Variants in SEC23IP observed in about 807,000 individuals in gnomAD.
SEC23IP encodes the protein SEC23-interacting protein.
In SEC23IP, 70 loss-of-function variants were observed where a neutral mutation model predicts 113.4. The observed-to-expected ratio is 0.62, with a 90% CI of 0.51 to 0.75. The LOEUF is 0.75. SEC23IP is among the 30% of genes least tolerant of loss of function. The pLI is 0.00. For synonymous variants in SEC23IP, 398 were observed against 421.0 expected, an observed-to-expected ratio of 0.95 and a Z score of 0.67; for missense variants, 1,160 against 1,204.9, an observed-to-expected ratio of 0.96 and a Z score of 0.55.
chr10:119,911,593 G>A (rs1218325247), intron 5 of SEC23IP, among the ~76,000 whole-genome samples: 5 of 151,824 alleles, frequency 3.3e-5, no homozygotes, highest in Non-Finnish European at 7.4e-5. Context: ...CTTCTGCCTC[G>A]GCCTCCTGAG....
chr10:119,932,322 A>C lies in SEC23IP; in HGVS notation c.2758+4A>C. 6.2e-7 allele frequency: 1 copy of C among 1,605,316 alleles called. No homozygotes were observed. The highest frequency in any genetic ancestry group is 8.5e-7 in the Non-Finnish European group (1 of 1,173,746). On this transcript the variant is annotated splice_donor_region_variant and intron_variant, in intron 16 of 18. Transcript: ENST00000369075. ...GAAGAAAAGCAAGTAGTTGAAGGTA[A>C]ATTTGACATTTGAGGCATTTTCTAA...
chr10:119,929,740 G>C lies in SEC23IP; in HGVS notation c.2447G>C (p.Gly816Ala), dbSNP rs149837371. 109 of 1,594,418 alleles carry C rather than the reference G, an allele frequency of 6.8e-5. No individual in the cohort carries two copies. The highest frequency in any genetic ancestry group is 1.9e-4 in the African/African-American group (14 of 74,286). Residue 816 changes from glycine to alanine, a missense_variant, in exon 14 of 19, where the codon GGG becomes GCG. Coordinates refer to ENST00000369075, the MANE Select transcript of SEC23IP (RefSeq NM_007190.4). Reference sequence around the variant, plus strand: ...AATTACAGCCTTCCTACCTGTAAAGGGTTCTTCAATATTTATCATCCGGTG... The same window carrying C: ...AATTACAGCCTTCCTACCTGTAAAGCGTTCTTCAATATTTATCATCCGGTG... ...DENYSLPTCK[G>A]FFNIYHPLDP...
intron 18 of SEC23IP, among the ~76,000 whole-genome samples, chr10:119,934,295 C>T (rs1015345457): frequency 1.3e-5 from 2 of 152,178 alleles, no homozygotes; most frequent in Admixed American, 1.3e-4. Flanking sequence ...GGTAGTACTC[C>T]TCACATCTGT....
intron 18 of SEC23IP, among the ~76,000 whole-genome samples, chr10:119,935,457 T>G (rs985846909): frequency 2.6e-5 from 4 of 151,598 alleles, no homozygotes; most frequent in African/African-American, 9.7e-5. Context: ...TGAGACTCTA[T>G]CTAAAAAAAA....
rs1855027626 is a variant in SEC23IP at position 119,915,724 on chromosome 10, CTCTTTTTTTTTTT to C, written c.1403-17_1403-5del. 2 of 1,455,018 alleles carry C rather than the reference CTCTTTTTTTTTTT, an allele frequency of 1.4e-6. No individual in the cohort carries two copies. The highest frequency in any genetic ancestry group is 1.8e-6 in the Non-Finnish European group (2 of 1,089,426). The allele number at this position is 1,455,018 out of a possible 1,614,324, so 90.1% of individuals were successfully genotyped here. A position where few individuals can be genotyped will look rare whatever the true frequency, so the allele number is the denominator to read the frequency against. Reference sequence around the variant, plus strand: ...AAGCTAGGAGAATTTAATTTATTTTCTCTTTTTTTTTTTTCTTTTGAAGTGGATGATTTTAGGG... The same window carrying C: ...AAGCTAGGAGAATTTAATTTATTTTCTCTTTTGAAGTGGATGATTTTAGGG... On this transcript the variant is annotated splice_polypyrimidine_tract_variant and intron_variant, in intron 7 of 18. Coordinates refer to ENST00000369075, the MANE Select transcript of SEC23IP (RefSeq NM_007190.4).
At chr10:119,931,404 T>C (rs1168672194) in intron 15 of SEC23IP, among the ~76,000 whole-genome samples, 1 of 151,374 alleles carries the variant, frequency 6.6e-6, no homozygotes, top group Non-Finnish European at 1.5e-5. Flanking sequence ...CTCACTATGT[T>C]GCCCAGGCTG....
chr10:119,905,246 TAAAC>T (rs903108251), intron 4 of SEC23IP, among the ~76,000 whole-genome samples: 16 of 152,162 alleles, frequency 1.1e-4, no homozygotes, highest in Non-Finnish European at 1.9e-4. Flanking sequence ...TAGATATAAA[TAAAC>T]AAATAAAGAT....
chr10:119,931,036 A>T (rs978024772), intron 15 of SEC23IP, among the ~76,000 whole-genome samples: 1 of 152,130 alleles, frequency 6.6e-6, no homozygotes, highest in African/African-American at 2.4e-5. Flanking sequence ...AAAAATATTG[A>T]ACTCTTTTGA....
At chr10:119,926,295 G>T in intron 13 of SEC23IP, 68 bp downstream of exon 13, 2 of 1,386,876 alleles carry the variant, frequency 1.4e-6, no homozygotes, top group South Asian at 3.1e-5. Flanking sequence ...ATTTGGGTTG[G>T]CTTTAAGTTC....
chr10:119,900,916 CAT>C (rs1269851165), intron 2 of SEC23IP, among the ~76,000 whole-genome samples: 1 of 151,358 alleles, frequency 6.6e-6, no homozygotes, highest in East Asian at 1.9e-4. Flanking sequence ...TTTTGGCAAA[CAT>C]ATAATACCTA....
rs1002791968 is a variant in SEC23IP, at chr10:119,941,141, A to G, written c.*576A>G. On this transcript the variant is annotated 3_prime_UTR_variant, in exon 19 of 19. Coordinates refer to ENST00000369075, the MANE Select transcript of SEC23IP (RefSeq NM_007190.4). ...AATAATCAAGATCACTCATATCCCA[A>G]CTGAATCTGAGGTTTTATAAATCCC... The G allele has an allele frequency of 2.0e-5, 3 of 152,198 alleles. No homozygotes were observed. Among genetic ancestry groups the G allele is most frequent in the African/African-American group, 4.8e-5 (2 of 41,438 alleles). The allele number at this position is 152,198 out of a possible 1,614,324, so 9.4% of individuals were successfully genotyped here.
At chr10:119,925,600 G>A (rs1855394345) in intron 12 of SEC23IP, among the ~76,000 whole-genome samples, 1 of 151,990 alleles carries the variant, frequency 6.6e-6, no homozygotes, top group Non-Finnish European at 1.5e-5. Context: ...GGAGTGCAGT[G>A]GTACGATCAC....
chr10:119,925,448 T>C (rs978326354), intron 12 of SEC23IP, among the ~76,000 whole-genome samples: 30 of 152,258 alleles, frequency 2.0e-4, no homozygotes, highest in African/African-American at 6.8e-4. Flanking sequence ...GCTTCTTAAT[T>C]ATTTTTCTTA....
intron 12 of SEC23IP, among the ~76,000 whole-genome samples, chr10:119,924,130 T>C (rs1285792424): frequency 6.6e-6 from 1 of 152,212 alleles, no homozygotes; most frequent in African/African-American, 2.4e-5. Flanking sequence ...GTGGAAACAG[T>C]TACAAGCTGG....
In SEC23IP at chr10:119,904,206, A is replaced by G. The variant is rs1312281115; in HGVS notation, c.1030A>G (p.Thr344Ala). The G allele has an allele frequency of 1.2e-6, 2 of 1,614,122 alleles. No homozygotes were observed. The highest frequency in any genetic ancestry group is 1.3e-5 in the African/African-American group (1 of 74,944). Residue 344 changes from threonine (T) to alanine (A), a missense_variant, in exon 4 of 19, where the codon ACT (threonine) becomes GCT (alanine). Coordinates refer to ENST00000369075, the MANE Select transcript of SEC23IP (RefSeq NM_007190.4). ...GGAGCCAGCCGAAGTGAGACGCTGT[A>G]CTTGGTTTTACAAGGGGGACACAGA... The part of the protein sequence containing the change: ...EEEPAEVRRC[T>A]WFYKGDTDSR...
intron 13 of SEC23IP, among the ~76,000 whole-genome samples, chr10:119,927,526 T>C (rs1464572449): frequency 6.6e-6 from 1 of 152,200 alleles, no homozygotes; most frequent in Non-Finnish European, 1.5e-5. Flanking sequence ...TTCTTTTCTA[T>C]GTCATATTCT....
At chr10:119,932,033 A>G in intron 15 of SEC23IP, 100 bp from the exon 16 acceptor site, 1 of 686,320 alleles carries the variant, frequency 1.5e-6, no homozygotes, top group Non-Finnish European at 2.5e-6. Flanking sequence ...AGGAAGAAAC[A>G]GTCTTATCCT....
rs879174680 is a variant in SEC23IP at position 119,911,939 on chromosome 10, A to G, written c.1192-105A>G. On this transcript the variant is annotated intron_variant, in intron 5 of 18. Transcript: ENST00000369075. The stretch of plus-strand genomic sequence containing the variant: ...GGGGAACAGTACTAATAATTTATAA[A>G]CTCTCCGTACTCTGAGGTATAGCTT... 10 of 1,344,598 alleles carry G rather than the reference A, an allele frequency of 7.4e-6. No homozygotes were observed. In the East Asian group the frequency reaches 9.4e-5, roughly 13 times the overall value. 83.3% of individuals were successfully genotyped at this position (1,344,598 alleles called of 1,614,324 possible). A position where few individuals can be genotyped will look rare whatever the true frequency, so the allele number is the denominator to read the frequency against.
rs544452407 is a variant in SEC23IP, at chr10:119,914,646, GA to G, written c.1313-81del. On this transcript the variant is annotated intron_variant, in intron 6 of 18. Transcript: ENST00000369075. ...ATTTCTTTGGCAAGTTTGTGATGAC[GA>G]AAGGGATATCTAGAATATTGCCATT... The G allele has an allele frequency of 1.1e-4, 115 of 1,079,864 alleles. No homozygotes were observed. The African/African-American group carries it at 1.7e-3, about 16-fold the overall frequency. The allele number at this position is 1,079,864 out of a possible 1,614,324, so 66.9% of individuals were successfully genotyped here. A position where few individuals can be genotyped will look rare whatever the true frequency, so the allele number is the denominator to read the frequency against.
Sources: allele counts gnomAD v4.1 joint callset (sites outside exome capture counted in the v4.1 genomes callset), GRCh38; gene constraint gnomAD v4.1.1; transcripts MANE v1.5; gene names NCBI Gene and HGNC (gene_info 2026-07-23, HGNC 2026-07-21).